The following FRMD6 variants were observed in gnomAD, a reference collection of about 807,000 sequenced individuals.
FRMD6 encodes the protein FERM domain-containing protein 6.
A neutral mutation model predicts 73.2 loss-of-function variants in FRMD6; 37 were observed. The ratio of observed to expected loss-of-function variants is 0.51; its 90% CI spans 0.39 to 0.66. The LOEUF is 0.66. Ranked by LOEUF, FRMD6 falls within the 30% of genes least tolerant of loss-of-function variation. The pLI is 0.00. For missense variants in FRMD6, 714 were observed against 780.5 expected (o/e 0.91, Z 1.02); for synonymous variants, 273 against 282.2 (o/e 0.97, Z 0.33).
chr14:51,622,672 T>C (rs1038088372), intron 2 of FRMD6, among the ~76,000 whole-genome samples: 1 of 152,194 alleles, frequency 6.6e-6, no homozygotes, highest in African/African-American at 2.4e-5. Context: ...TCCAGAGCAT[T>C]TACTCTTATT....
intron 1 of FRMD6, among the ~76,000 whole-genome samples, chr14:51,546,190 A>T (rs1326386774): frequency 6.6e-6 from 1 of 152,096 alleles, no homozygotes; most frequent in Non-Finnish European, 1.5e-5. Context: ...GGTTCTTGTA[A>T]ATCTCAAAGG....
chr14:51,619,847 TTAGAAG>T (rs1890860387), intron 2 of FRMD6, among the ~76,000 whole-genome samples: 1 of 152,154 alleles, frequency 6.6e-6, no homozygotes, highest in Non-Finnish European at 1.5e-5. Flanking sequence ...GAAAAAAAAG[TTAGAAG>T]TTGAAAAGAA....
chr14:51,639,153 C>G (rs1048420277), intron 2 of FRMD6, among the ~76,000 whole-genome samples: 1 of 151,922 alleles, frequency 6.6e-6, no homozygotes, highest in Non-Finnish European at 1.5e-5. Context: ...ACTTCTCTGC[C>G]GAGTTCACAC....
intron 1 of FRMD6, among the ~76,000 whole-genome samples, chr14:51,528,574 A>G (rs1220987865): frequency 1.3e-5 from 2 of 152,084 alleles, no homozygotes; most frequent in Admixed American, 6.5e-5. Context: ...AGCTACAACC[A>G]ATGGTTTTAC....
chr14:51,506,060 C>T (rs936020068), intron 1 of FRMD6, among the ~76,000 whole-genome samples: 9 of 152,198 alleles, frequency 5.9e-5, no homozygotes, highest in African/African-American at 1.9e-4. Flanking sequence ...GTACACTACA[C>T]AGAGCCTGTC....
intron 11 of FRMD6, among the ~76,000 whole-genome samples, chr14:51,721,483 G>A (rs922768483): frequency 2.0e-5 from 3 of 152,070 alleles, no homozygotes; most frequent in Non-Finnish European, 2.9e-5. Flanking sequence ...AGTGGCGCGC[G>A]TCTTCAGTCC....
At chr14:51,553,931 A>T (rs145212075) in intron 1 of FRMD6, among the ~76,000 whole-genome samples, 16 of 152,312 alleles carry the variant, frequency 1.1e-4, no homozygotes, top group African/African-American at 3.6e-4. Context: ...TCTTATTAGC[A>T]GCAAGCATAC....
the FRMD6 span, among the ~76,000 whole-genome samples, chr14:51,412,184 C>G: frequency 6.6e-6 from 1 of 152,066 alleles, no homozygotes; most frequent in Non-Finnish European, 1.5e-5. Context: ...ACTCTGCTTT[C>G]TTTTTAAATA....
At chr14:51,420,329 CAT>C in the FRMD6 span, among the ~76,000 whole-genome samples, 1 of 152,200 alleles carries the variant, frequency 6.6e-6, no homozygotes, top group Non-Finnish European at 1.5e-5. Flanking sequence ...AAAACTAAAA[CAT>C]ACAGTACTGT....
intron 2 of FRMD6, among the ~76,000 whole-genome samples, chr14:51,635,676 C>T (rs932945109): frequency 2.6e-5 from 4 of 152,166 alleles, no homozygotes. Flanking sequence ...GAACTCAGGA[C>T]AAAGGACTTC....
chr14:51,666,520 A>G (rs1893605120), intron 1 of FRMD6, among the ~76,000 whole-genome samples: 1 of 152,234 alleles, frequency 6.6e-6, no homozygotes, highest in South Asian at 2.1e-4. Context: ...ACTTCGGGGC[A>G]GTCTGATCTG....
chr14:51,542,148 A>C (rs1886234114), intron 1 of FRMD6, among the ~76,000 whole-genome samples: 1 of 152,072 alleles, frequency 6.6e-6, no homozygotes, highest in African/African-American at 2.4e-5. Flanking sequence ...TAAAATACAC[A>C]CAACAAAATT....
chr14:51,419,864 A>T, the FRMD6 span, among the ~76,000 whole-genome samples: 1 of 152,032 alleles, frequency 6.6e-6, no homozygotes, highest in African/African-American at 2.4e-5. Context: ...TAGTCACGTG[A>T]CTTCCTGCCC....
the FRMD6 span, among the ~76,000 whole-genome samples, chr14:51,426,298 G>A: frequency 6.6e-6 from 1 of 152,014 alleles, no homozygotes; most frequent in African/African-American, 2.4e-5. Flanking sequence ...CCTCCACCTA[G>A]TCACGTGGTG....
intron 3 of FRMD6, 148 bp downstream of exon 3, chr14:51,698,380 A>T: frequency 2.3e-6 from 1 of 439,088 alleles, no homozygotes; most frequent in Non-Finnish European, 4.0e-6. Flanking sequence ...GTGTAGGTGT[A>T]GTATTTAATT....
At chr14:51,444,513 T>G in the FRMD6 span, among the ~76,000 whole-genome samples, 1 of 152,224 alleles carries the variant, frequency 6.6e-6, no homozygotes, top group Non-Finnish European at 1.5e-5. Context: ...GTTAGCAATG[T>G]GTGTGTTCAG....
intron 2 of FRMD6, among the ~76,000 whole-genome samples, chr14:51,644,385 A>ACT (rs1185193641): frequency 1.7e-3 from 141 of 82,508 alleles, no homozygotes; most frequent in Non-Finnish European, 3.1e-3. Flanking sequence ...ACACACACAC[A>ACT]CACTCACTCA....
chr14:51,716,744 G>GACTGCC (rs920189004), intron 10 of FRMD6, among the ~76,000 whole-genome samples: 4 of 152,210 alleles, frequency 2.6e-5, no homozygotes, highest in African/African-American at 7.2e-5. Context: ...GCTGCTGCTA[G>GACTGCC]ACTGCCACTT....
At chr14:51,629,302 AC>A (rs1381451562) in intron 2 of FRMD6, among the ~76,000 whole-genome samples, 1 of 152,144 alleles carries the variant, frequency 6.6e-6, no homozygotes, top group African/African-American at 2.4e-5. Flanking sequence ...TTTGTTTCCA[AC>A]TGCTATTATG....
Sources: allele counts gnomAD v4.1 joint callset (sites outside exome capture counted in the v4.1 genomes callset), GRCh38; gene constraint gnomAD v4.1.1; transcripts MANE v1.5; gene names NCBI Gene and HGNC (gene_info 2026-07-23, HGNC 2026-07-21).